Variants in ERG observed in about 807,000 individuals in gnomAD.
The protein encoded by ERG is transcriptional regulator ERG.
In ERG, 9 loss-of-function variants were observed where a neutral mutation model predicts 55.3. That is an observed-to-expected ratio of 0.16 (90% CI 0.10 to 0.28). The LOEUF is 0.28. Among genes scored for constraint, ERG ranks in the 10% least tolerant of loss-of-function variants. The pLI, the probability that ERG is intolerant of heterozygous loss-of-function variation, is 1.00. For missense variants in ERG, 434 were observed against 631.6 expected (o/e 0.69, Z 3.35); for synonymous variants, 223 against 237.3 (o/e 0.94, Z 0.55).
chr21:38,470,226 T>C (rs914292563), intron 1 of ERG, among the ~76,000 whole-genome samples: 1 of 151,220 alleles, frequency 6.6e-6, no homozygotes, highest in South Asian at 2.1e-4. Context: ...ATACAATGTC[T>C]AGCATATAAT....
chr21:38,511,070 G>C (rs767546816), intron 2 of ERG, among the ~76,000 whole-genome samples: 1 of 152,182 alleles, frequency 6.6e-6, no homozygotes, highest in Non-Finnish European at 1.5e-5. Flanking sequence ...AACATAGAAG[G>C]TTTAGTGTGA....
upstream of ERG, among the ~76,000 whole-genome samples, chr21:38,501,690 T>C (rs2059422722): frequency 6.6e-6 from 1 of 152,082 alleles, no homozygotes; most frequent in South Asian, 2.1e-4. Flanking sequence ...TTCACTCTCC[T>C]TGAGATGCAG....
At chr21:38,407,646 T>TATATATATATATATAGATATATATA (rs34894423) in intron 3 of ERG, among the ~76,000 whole-genome samples, 1 of 142,636 alleles carries the variant, frequency 7.0e-6, no homozygotes, top group African/African-American at 2.7e-5. Context: ...ATATATATAT[T>TATATATATATATATAGATATATATA]TAATGTATAT....
rs557656012 is a variant in ERG, at chr21:38,524,753, AAG to A, written c.-41+50907_-41+50908del. ...GGTTAACTGTTTAAAAAAAGAAAGA[AAG>A]AAAGAAATCCAAGGATTTTTAGAGC... On this transcript the variant is annotated intron_variant, in intron 2 of 8. Coordinates refer to the ERG transcript ENST00000398897. 7.2e-5 allele frequency among the ~76,000 whole-genome samples: 11 copies of A among 152,332 alleles called. 1 individual carries two copies. The South Asian group carries it at 2.3e-3, about 32-fold the overall frequency.
intron 1 of ERG, among the ~76,000 whole-genome samples, chr21:38,469,382 C>T (rs989446723): frequency 7.2e-5 from 11 of 152,150 alleles, no homozygotes; most frequent in African/African-American, 2.7e-4. Flanking sequence ...CTGAAAAATT[C>T]CCATCTGTTT....
rs939842135 is a variant in ERG, at chr21:38,617,801, G to A, written c.-149-32856C>T. Among the ~76,000 whole-genome samples, 12 of 152,164 alleles carry A rather than the reference G, an allele frequency of 7.9e-5. No individual in the cohort carries two copies. In the South Asian group the frequency reaches 2.5e-3, roughly 32 times the overall value. ...TATTTGATATGTCATGTTCATATCT[G>A]TTGTCTTTGTTTCCCAAAGGGTTTG... is the stretch of plus-strand genomic sequence containing the variant. On this transcript the variant is annotated intron_variant, in intron 1 of 10. Coordinates refer to the ERG transcript ENST00000398910.
At chr21:38,590,911 T>A (rs1423627481) in intron 1 of ERG, among the ~76,000 whole-genome samples, 1 of 152,230 alleles carries the variant, frequency 6.6e-6, no homozygotes, top group Admixed American at 6.5e-5. Flanking sequence ...GACAATCAGC[T>A]GGAGAGCTTT....
chr21:38,572,305 T>C (rs1601257316), intron 2 of ERG, among the ~76,000 whole-genome samples: 1 of 145,034 alleles, frequency 6.9e-6, no homozygotes, highest in Non-Finnish European at 1.5e-5. Context: ...GAGGCAGAGG[T>C]TGCAGCAAGC....
chr21:38,421,569 T>C (rs894739801), intron 3 of ERG, among the ~76,000 whole-genome samples: 3 of 152,176 alleles, frequency 2.0e-5, no homozygotes, highest in Non-Finnish European at 2.9e-5. Flanking sequence ...TCTAACCTGT[T>C]TGCCATCACA....
At chr21:38,434,561 A>G (rs1990369479) in intron 2 of ERG, among the ~76,000 whole-genome samples, 1 of 152,218 alleles carries the variant, frequency 6.6e-6, no homozygotes, top group Non-Finnish European at 1.5e-5. Flanking sequence ...TTATGAATGA[A>G]TCTTCCATTT....
At chr21:38,463,494 A>G (rs1031414701) in intron 1 of ERG, among the ~76,000 whole-genome samples, 3 of 152,184 alleles carry the variant, frequency 2.0e-5, no homozygotes, top group Admixed American at 6.5e-5. Context: ...GTGTCCACAT[A>G]TCATGCACAT....
At chr21:38,550,029 T>A (rs1024962543) in intron 2 of ERG, among the ~76,000 whole-genome samples, 3 of 152,182 alleles carry the variant, frequency 2.0e-5, no homozygotes, top group African/African-American at 7.2e-5. Flanking sequence ...CCTTCCTCAT[T>A]GGTCAGAGTC....
intron 2 of ERG, among the ~76,000 whole-genome samples, chr21:38,523,026 G>C (rs1050546717): frequency 6.6e-6 from 1 of 152,188 alleles, no homozygotes; most frequent in Admixed American, 6.5e-5. Context: ...CAAAGTGGGA[G>C]CAACTCAGAC....
chr21:38,606,306 G>T (rs2060196889), intron 1 of ERG, among the ~76,000 whole-genome samples: 1 of 152,180 alleles, frequency 6.6e-6, no homozygotes, highest in Admixed American at 6.5e-5. Context: ...ATGGTTGATA[G>T]AAAGATGATA....
intron 3 of ERG, among the ~76,000 whole-genome samples, chr21:38,414,456 T>C (rs1401113889): frequency 2.6e-5 from 4 of 152,244 alleles, no homozygotes; most frequent in African/African-American, 9.6e-5. Flanking sequence ...TGCCAGTCTA[T>C]ATCTTGAGTC....
At chr21:38,400,531 G>C (rs747462729) in intron 6 of ERG, 43 bp downstream of exon 6, 1 of 1,456,016 alleles carries the variant, frequency 6.9e-7, no homozygotes, top group Admixed American at 1.7e-5. Context: ...AGGACATCTG[G>C]GATGTCTCTC....
intron 2 of ERG, among the ~76,000 whole-genome samples, chr21:38,517,137 C>T (rs574915871): frequency 2.6e-5 from 4 of 152,052 alleles, no homozygotes; most frequent in Admixed American, 2.0e-4. Flanking sequence ...AACACTTCTG[C>T]ACAGCAAAGG....
At chr21:38,404,455 C>A (rs1056785863) in intron 3 of ERG, among the ~76,000 whole-genome samples, 1 of 152,172 alleles carries the variant, frequency 6.6e-6, no homozygotes, top group Non-Finnish European at 1.5e-5. Flanking sequence ...ACCTATGGGA[C>A]AGGGAGAGCA....
intron 1 of ERG, among the ~76,000 whole-genome samples, chr21:38,495,232 G>A (rs2059369854): frequency 6.6e-6 from 1 of 152,178 alleles, no homozygotes; most frequent in Non-Finnish European, 1.5e-5. Context: ...CGTTCAAGAA[G>A]TGCAAATGTG....
Sources: allele counts gnomAD v4.1 joint callset (sites outside exome capture counted in the v4.1 genomes callset), GRCh38; gene constraint gnomAD v4.1.1; transcripts MANE v1.5; gene names NCBI Gene and HGNC (gene_info 2026-07-23, HGNC 2026-07-21).